The following NRXN3 variants were observed in gnomAD, a reference collection of about 807,000 sequenced individuals.
NRXN3 encodes the protein neurexin III.
In NRXN3, 32 loss-of-function variants were observed where a neutral mutation model predicts 137.6. That is an observed-to-expected ratio of 0.23 (90% confidence interval 0.18 to 0.31). The LOEUF is 0.31. Among genes scored for constraint, NRXN3 ranks in the 10% least tolerant of loss-of-function variants. The pLI is 1.00. For synonymous variants in NRXN3, 798 were observed against 784.5 expected (o/e 1.02, Z -0.29); for missense variants, 1,574 against 2,062.5 (o/e 0.76, Z 4.59).
At chr14:78,605,723 AT>A (rs1445058287) in intron 4 of NRXN3, among the ~76,000 whole-genome samples, 4 of 152,092 alleles carry the variant, frequency 2.6e-5, no homozygotes, top group East Asian at 1.9e-4. Context: ...TTTAAAAAAA[AT>A]AAAACAAAAA....
intron 6 of NRXN3, among the ~76,000 whole-genome samples, chr14:78,662,955 T>C (rs1418558456): frequency 2.0e-5 from 3 of 152,254 alleles, no homozygotes; most frequent in Non-Finnish European, 4.4e-5. Flanking sequence ...TATTGAACAC[T>C]TAATGTGAAC....
At chr14:79,130,149 C>G (rs1304312462) in intron 15 of NRXN3, among the ~76,000 whole-genome samples, 2 of 150,558 alleles carry the variant, frequency 1.3e-5, no homozygotes, top group Non-Finnish European at 3.0e-5. Flanking sequence ...CAGTCTGTGT[C>G]TTTTAATTGG....
intron 4 of NRXN3, among the ~76,000 whole-genome samples, chr14:78,546,457 G>C (rs1215003957): frequency 1.3e-5 from 2 of 152,014 alleles, no homozygotes; most frequent in Non-Finnish European, 2.9e-5. Context: ...ACCTTGTTTA[G>C]GGTATATTTT....
At chr14:79,759,534 C>T (rs552361358) in intron 19 of NRXN3, among the ~76,000 whole-genome samples, 1 of 151,566 alleles carries the variant, frequency 6.6e-6, no homozygotes, top group Admixed American at 6.6e-5. Flanking sequence ...TCAAGGAGAG[C>T]AAATTCCTCC....
In NRXN3 at chr14:79,326,848, G is replaced by A. The variant is rs186557849; in HGVS notation, c.3263-140373G>A. On this transcript the variant is annotated intron_variant, in intron 15 of 20. Transcript: ENST00000335750. ...AAAGACGAACAAAATTGTGTTTAATGTCCTGTATGATACCTTTTGCCTTAT... is the reference window on the plus strand; with the variant it reads ...AAAGACGAACAAAATTGTGTTTAATATCCTGTATGATACCTTTTGCCTTAT... Among the ~76,000 whole-genome samples the A allele has an allele frequency of 1.2e-4, 18 of 152,120 alleles. 1 individual carries two copies. Among genetic ancestry groups the A allele is most frequent in the Admixed American group, 7.2e-4 (11 of 15,272 alleles).
chr14:78,931,690 C>T (rs1255889406), intron 10 of NRXN3, among the ~76,000 whole-genome samples: 1 of 152,138 alleles, frequency 6.6e-6, no homozygotes, highest in Non-Finnish European at 1.5e-5. Flanking sequence ...CTCTTTGCTA[C>T]AGACCATGCC....
chr14:78,684,261 C>T (rs947365233), intron 6 of NRXN3, among the ~76,000 whole-genome samples: 19 of 152,012 alleles, frequency 1.2e-4, no homozygotes, highest in Admixed American at 4.6e-4. Context: ...AGGCCTCTAA[C>T]GAGGGGGCAC....
intron 15 of NRXN3, among the ~76,000 whole-genome samples, chr14:79,264,192 G>T (rs1598038990): frequency 6.6e-6 from 1 of 152,046 alleles, no homozygotes; most frequent in South Asian, 2.1e-4. Flanking sequence ...AGGTTCAAGC[G>T]CTTCTCCCAC....
chr14:79,843,382 T>C (rs770093733), intron 20 of NRXN3, among the ~76,000 whole-genome samples: 27 of 152,228 alleles, frequency 1.8e-4, no homozygotes, highest in Non-Finnish European at 3.5e-4. Flanking sequence ...GCGAATGTTT[T>C]TGCTGGTAGA....
intron 15 of NRXN3, among the ~76,000 whole-genome samples, chr14:79,466,657 C>A (rs1284463001): frequency 6.6e-6 from 1 of 152,092 alleles, no homozygotes; most frequent in Non-Finnish European, 1.5e-5. Context: ...GTGAAATAGG[C>A]AAATGCATTT....
chr14:79,214,343 G>T (rs2068160365), intron 15 of NRXN3, among the ~76,000 whole-genome samples: 1 of 152,192 alleles, frequency 6.6e-6, no homozygotes, highest in Non-Finnish European at 1.5e-5. Flanking sequence ...AAGTCAAATT[G>T]CCTTTTTGTT....
At chr14:79,123,782 T>C (rs540368123) in intron 15 of NRXN3, among the ~76,000 whole-genome samples, 1 of 151,948 alleles carries the variant, frequency 6.6e-6, no homozygotes, top group Non-Finnish European at 1.5e-5. Flanking sequence ...AAAGTGGGAG[T>C]ACTGTATACA....
chr14:78,311,892 A>G (rs899702013), intron 4 of NRXN3, among the ~76,000 whole-genome samples: 30 of 152,148 alleles, frequency 2.0e-4, no homozygotes, highest in Non-Finnish European at 4.3e-4. Context: ...TCAGAGCTCA[A>G]AGGAGACTTA....
At chr14:78,442,603 G>T (rs1361144972) in intron 4 of NRXN3, among the ~76,000 whole-genome samples, 1 of 152,230 alleles carries the variant, frequency 6.6e-6, no homozygotes, top group Admixed American at 6.5e-5. Context: ...AGGGAAGACA[G>T]GGAGAGGCAG....
At chr14:78,900,988 G>A (rs1167345074) in intron 10 of NRXN3, among the ~76,000 whole-genome samples, 1 of 152,034 alleles carries the variant, frequency 6.6e-6, no homozygotes, top group Non-Finnish European at 1.5e-5. Flanking sequence ...GAATGAGGAT[G>A]TTCAGTCTGG....
At chr14:79,044,838 T>C (rs2099630618) in intron 15 of NRXN3, among the ~76,000 whole-genome samples, 1 of 151,858 alleles carries the variant, frequency 6.6e-6, no homozygotes, top group South Asian at 2.1e-4. Context: ...TTTTTTTTTT[T>C]TTTCTTCCCA....
intron 10 of NRXN3, among the ~76,000 whole-genome samples, chr14:78,890,852 T>C (rs1412974077): frequency 6.6e-6 from 1 of 151,888 alleles, no homozygotes; most frequent in African/African-American, 2.4e-5. Flanking sequence ...AGTTTCTGGC[T>C]GTGGGATGGA....
chr14:79,772,910 T>A (rs2099083582), intron 19 of NRXN3, among the ~76,000 whole-genome samples: 1 of 151,940 alleles, frequency 6.6e-6, no homozygotes, highest in South Asian at 2.1e-4. Flanking sequence ...GAATCTACAA[T>A]GAACTCAAAC....
chr14:79,431,565 A>G (rs765060032), intron 15 of NRXN3, among the ~76,000 whole-genome samples: 12 of 152,164 alleles, frequency 7.9e-5, no homozygotes, highest in African/African-American at 2.7e-4. Flanking sequence ...AACTGTATTG[A>G]CAGCCTAAGC....
Sources: gnomAD v4.1 joint callset for allele counts (sites outside exome capture counted in the v4.1 genomes callset) on GRCh38, gnomAD v4.1.1 for gene constraint, MANE v1.5 for transcripts, NCBI Gene and HGNC (gene_info 2026-07-23, HGNC 2026-07-21) for gene names.